Variants in TRAPPC11 observed in about 807,000 individuals in gnomAD.
TRAPPC11 encodes foie gras homolog.
TRAPPC11 carries 104 observed loss-of-function variants against 151.2 expected under a neutral mutation model. The observed-to-expected ratio is 0.69, with a 90% CI of 0.59 to 0.81. The LOEUF (loss-of-function observed/expected upper bound fraction) is 0.81. TRAPPC11 is among the 30% of genes least tolerant of loss of function. TRAPPC11 has a pLI of 0.00. For missense variants in TRAPPC11, 1,230 were observed against 1,349.6 expected (o/e 0.91, Z 1.39); for synonymous variants, 456 against 472.3 (o/e 0.97, Z 0.45).
At chr4:183,661,886 C>T (rs1003631616) in intron 1 of TRAPPC11, among the ~76,000 whole-genome samples, 1 of 151,424 alleles carries the variant, frequency 6.6e-6, no homozygotes, top group East Asian at 2.0e-4. Flanking sequence ...CTCAGCCTCC[C>T]AAGTGGCTGG....
chr4:183,666,515 G>C, intron 3 of TRAPPC11, 89 bp downstream of exon 3: 1 of 1,307,634 alleles, frequency 7.6e-7, no homozygotes, highest in Non-Finnish European at 1.0e-6. Context: ...GTACCGTTCA[G>C]ACTGCAGTGG....
rs1232125016 is a variant in TRAPPC11 at position 183,677,499 on chromosome 4, C to G, written c.776C>G (p.Ala259Gly). ...TATAATCTTGTACACGAATTGAGAGCCCATGAAACTAATATTCTGGAAATT... is the reference window on the plus strand; with the variant it reads ...TATAATCTTGTACACGAATTGAGAGGCCATGAAACTAATATTCTGGAAATT... The part of the protein sequence containing the change: ...TAYNLVHELR[A>G]HETNILEIKT... The change falls in exon 8 of 30, where the codon GCC (alanine) becomes GGC (glycine). Residue 259 changes from alanine (A) to glycine (G), a missense_variant. Transcript: ENST00000334690. 1 of 1,608,738 alleles carries G rather than the reference C, an allele frequency of 6.2e-7. No individual in the cohort carries two copies. The highest frequency in any genetic ancestry group is 8.5e-7 in the Non-Finnish European group (1 of 1,175,504).
chr4:183,691,981 A>C (rs60283444), intron 19 of TRAPPC11, among the ~76,000 whole-genome samples: 14,341 of 152,200 alleles, frequency 0.094, 811 homozygotes, highest in East Asian at 0.14. Flanking sequence ...GAAATATAGG[A>C]TCTAAGTAAT....
Position 183,693,125 on chromosome 4 carries a change from A to G in TRAPPC11, c.2215A>G (p.Ile739Val). 1 of 1,606,554 alleles carries G rather than the reference A, an allele frequency of 6.2e-7. No homozygotes were observed. The highest frequency in any genetic ancestry group is 1.1e-5 in the South Asian group (1 of 90,444). The change falls in exon 20 of 30, where the codon ATT (isoleucine) becomes GTT (valine). Residue 739 changes from isoleucine to valine, a missense_variant. By Grantham distance (29) the Ile-to-Val change is conservative. Coordinates refer to ENST00000334690, the MANE Select transcript of TRAPPC11 (RefSeq NM_021942.6). ...TGACAATGAAGTTCACTGGGACAGCATTATAATTCAGGCAAGCACAATGTA... is the reference window on the plus strand; with the variant it reads ...TGACAATGAAGTTCACTGGGACAGCGTTATAATTCAGGCAAGCACAATGTA... ...LPDNEVHWDS[I>V]IIQASTMIIS...
In TRAPPC11 at chr4:183,708,461, C is replaced by T. The variant is rs1223458290; in HGVS notation, c.3244C>T (p.Pro1082Ser). Reference sequence around the variant, plus strand: ...GCAGGAAATGCTATATAATTTCTATCCTCTGATGGCTGGATACCAGCAGCT... The same window carrying T: ...GCAGGAAATGCTATATAATTTCTATTCTCTGATGGCTGGATACCAGCAGCT... ...TEQEMLYNFY[P>S]LMAGYQQLPS... The change falls in exon 29 of 30, where the codon CCT (proline) becomes TCT (serine). Residue 1082 changes from proline (P) to serine (S), a missense_variant. Transcript: ENST00000334690. 6.2e-7 allele frequency: 1 copy of T among 1,614,098 alleles called. No homozygotes were observed. The highest frequency in any genetic ancestry group is 8.5e-7 in the Non-Finnish European group (1 of 1,180,006).
intron 5 of TRAPPC11, among the ~76,000 whole-genome samples, chr4:183,670,870 C>G (rs1735120108): frequency 6.6e-6 from 1 of 152,174 alleles, no homozygotes; most frequent in South Asian, 2.1e-4. Context: ...ACTGCAACCT[C>G]TGCCCCCCAG....
chr4:183,672,840 T>C (rs1735218603), intron 5 of TRAPPC11, among the ~76,000 whole-genome samples: 1 of 152,230 alleles, frequency 6.6e-6, no homozygotes, highest in Non-Finnish European at 1.5e-5. Context: ...ATACTGATTC[T>C]CTATTGAGAA....
At chr4:183,710,062 A>C (rs1200968224) in intron 29 of TRAPPC11, among the ~76,000 whole-genome samples, 1 of 152,190 alleles carries the variant, frequency 6.6e-6, no homozygotes, top group Admixed American at 6.5e-5. Context: ...TGTAGACTTG[A>C]TCATATTCTA....
Position 183,686,742 on chromosome 4 carries a change from T to A in TRAPPC11, c.1887T>A (p.Asn629Lys), listed in dbSNP as rs1249261850. Residue 629 changes from asparagine (N) to lysine (K), a missense_variant, in exon 18 of 30, where the codon AAT becomes AAA. Physicochemically the swap from Asn to Lys is moderately conservative, Grantham distance 94. Transcript: ENST00000334690. The stretch of plus-strand genomic sequence containing the variant: ...TTTCCAAGCTCTGTGTCAGCTTTAA[T>A]AATCAGGTAATGATGCCATGTCATG... ...IRFSKLCVSFNNQEYNQFCVI... is the reference protein window; with the variant it reads ...IRFSKLCVSFKNQEYNQFCVI... 6.2e-7 allele frequency: 1 copy of A among 1,614,076 alleles called. No homozygotes were observed. The highest frequency in any genetic ancestry group is 1.3e-5 in the African/African-American group (1 of 75,068).
intron 20 of TRAPPC11, 92 bp from the exon 21 acceptor site, chr4:183,693,497 C>A: frequency 1.5e-6 from 2 of 1,377,264 alleles, no homozygotes; most frequent in Non-Finnish European, 2.0e-6. Flanking sequence ...TGAGCCTCTG[C>A]ACCCAGCCTC....
intron 5 of TRAPPC11, among the ~76,000 whole-genome samples, chr4:183,674,246 C>T (rs1009457320): frequency 2.0e-5 from 3 of 151,724 alleles, no homozygotes; most frequent in African/African-American, 7.3e-5. Flanking sequence ...GGTAAAACCT[C>T]ACCTAAACTA....
At chr4:183,661,757 C>CTTTTTTTT (rs562308106) in intron 1 of TRAPPC11, among the ~76,000 whole-genome samples, 23 of 100,108 alleles carry the variant, frequency 2.3e-4, no homozygotes, top group African/African-American at 8.3e-4. Flanking sequence ...TTTGGAATAA[C>CTTTTTTTT]TTTTTTTTTT....
At chr4:183,693,771 TA>T (rs1411206697) in intron 21 of TRAPPC11, 34 bp downstream of exon 21, 3 of 1,608,350 alleles carry the variant, frequency 1.9e-6, no homozygotes, top group Non-Finnish European at 2.5e-6. Context: ...TGATCAGTAT[TA>T]ATCCAACATT....
intron 1 of TRAPPC11, among the ~76,000 whole-genome samples, chr4:183,660,806 C>T (rs1579143953): frequency 1.3e-5 from 2 of 152,140 alleles, no homozygotes; most frequent in South Asian, 2.1e-4. Context: ...CTCCGCCTCC[C>T]GGGTTCAAGC....
At position 183,697,854 on chromosome 4, in the gene TRAPPC11, C is replaced by T. The variant is rs763527724; in HGVS notation, c.2851+19C>T. On this transcript the variant is annotated intron_variant, in intron 25 of 29. Coordinates refer to ENST00000334690, the MANE Select transcript of TRAPPC11 (RefSeq NM_021942.6). The stretch of plus-strand genomic sequence containing the variant: ...GACAATGGTGAGTCTGGTTCATTCC[C>T]ACTTAAAGACCAGGAGAATTGTGCG... 2 of 1,607,558 alleles carry T rather than the reference C, an allele frequency of 1.2e-6. No homozygotes were observed. Among genetic ancestry groups the T allele is most frequent in the South Asian group, 2.2e-5 (2 of 90,728 alleles).
intron 18 of TRAPPC11, among the ~76,000 whole-genome samples, chr4:183,688,253 T>A (rs1016690028): frequency 1.3e-5 from 2 of 152,090 alleles, no homozygotes; most frequent in Non-Finnish European, 2.9e-5. Flanking sequence ...ACAGCTGTAG[T>A]AGGCATGCCA....
intron 4 of TRAPPC11, 82 bp from the exon 5 acceptor site, chr4:183,667,921 T>C: frequency 1.0e-6 from 1 of 1,001,460 alleles, no homozygotes; most frequent in Non-Finnish European, 1.6e-6. Context: ...AATTCTATTT[T>C]TTCAGACTTG....
chr4:183,691,156 G>A (rs1400286624), intron 18 of TRAPPC11, among the ~76,000 whole-genome samples, 160 bp from the exon 19 acceptor site: 7 of 152,140 alleles, frequency 4.6e-5, no homozygotes, highest in Non-Finnish European at 7.3e-5. Context: ...AGCAGTAAGT[G>A]GATAAATGCC....
At chr4:183,681,785 A>AC (rs978285594) in intron 10 of TRAPPC11, among the ~76,000 whole-genome samples, 2 of 151,782 alleles carry the variant, frequency 1.3e-5, no homozygotes, top group African/African-American at 4.8e-5. Context: ...AAAGAAAAAA[A>AC]AAGTAAAATA....
Sources: allele counts gnomAD v4.1 joint callset (sites outside exome capture counted in the v4.1 genomes callset), GRCh38; gene constraint gnomAD v4.1.1; transcripts MANE v1.5; gene names NCBI Gene and HGNC (gene_info 2026-07-23, HGNC 2026-07-21).